The following KRT222 variants were observed in gnomAD, a reference collection of about 807,000 sequenced individuals.
KRT222 encodes keratin-like protein KRT222.
Under a neutral mutation model 35.0 loss-of-function variants are expected in KRT222, and 23 were observed. The ratio of observed to expected loss-of-function variants is 0.66; its 90% CI spans 0.47 to 0.93. KRT222 has a LOEUF of 0.93. Ranked by LOEUF, KRT222 falls within the 40% of genes least tolerant of loss-of-function variation. KRT222 has a pLI of 0.00. For missense variants in KRT222, 339 were observed against 346.3 expected (o/e 0.98, Z 0.17); for synonymous variants, 108 against 118.8 (o/e 0.91, Z 0.59).
chr17:40,660,331 A>G, intron 2 of KRT222, 124 bp from the exon 3 acceptor site: 2 of 733,332 alleles, frequency 2.7e-6, no homozygotes, highest in South Asian at 1.9e-5. Context: ...CCCAGAGTGT[A>G]GTGCAATGCC....
At position 40,658,518 on chromosome 17, in the gene KRT222, A is replaced by G. The variant is rs79091666; in HGVS notation, c.447-768T>C. ...GTATTGTTTTAAGCACTTTACAAACATTAACTCATTTAATCCTCACAGCAA... is the reference window on the plus strand; with the variant it reads ...GTATTGTTTTAAGCACTTTACAAACGTTAACTCATTTAATCCTCACAGCAA... On this transcript the variant is annotated intron_variant, in intron 3 of 5. Transcript: ENST00000394052. 4.0e-3 allele frequency among the ~76,000 whole-genome samples: 608 copies of G among 152,308 alleles called. 1 individual carries two copies. Among genetic ancestry groups the G allele is most frequent in the Middle Eastern group, 0.017 (5 of 294 alleles).
intron 3 of KRT222, among the ~76,000 whole-genome samples, chr17:40,659,596 A>G (rs917813871): frequency 2.6e-5 from 4 of 151,738 alleles, no homozygotes; most frequent in African/African-American, 9.7e-5. Context: ...GCGAATTTTA[A>G]AATTTTTTGT....
At chr17:40,660,407 G>A (rs145663411) in intron 2 of KRT222, among the ~76,000 whole-genome samples, 200 bp from the exon 3 acceptor site, 1,773 of 151,766 alleles carry the variant, frequency 0.012, 20 homozygotes, top group Middle Eastern at 0.051. Context: ...AGCCTCCCAA[G>A]TAGCTGGGAT....
chr17:40,657,349 TAC>T lies in KRT222; in HGVS notation c.659+1_659+2del. The T allele has an allele frequency of 1.3e-6, 2 of 1,541,768 alleles. No homozygotes were observed. The highest frequency in any genetic ancestry group is 1.7e-6 in the Non-Finnish European group (2 of 1,149,006). On this transcript the variant is annotated splice_donor_variant, in intron 5 of 5. Transcript: ENST00000394052. LOFTEE classifies it high-confidence loss of function. Reference sequence around the variant, plus strand: ...ATTTCTTAGTCAAAGTTTCTTTACTTACTGAATAGTGCCATGAGCTTCAGTGC... The same window carrying T: ...ATTTCTTAGTCAAAGTTTCTTTACTTTGAATAGTGCCATGAGCTTCAGTGC...
At chr17:40,660,351 G>T in intron 2 of KRT222, 144 bp from the exon 3 acceptor site, 1 of 639,224 alleles carries the variant, frequency 1.6e-6, no homozygotes, top group Non-Finnish European at 2.6e-6. Flanking sequence ...CATGATCTCG[G>T]TTCACTGGAA....
chr17:40,664,812 G>A (rs2037410124), intron 1 of KRT222, 192 bp downstream of exon 1: 2 of 912,402 alleles, frequency 2.2e-6, no homozygotes, highest in Non-Finnish European at 3.1e-6. Flanking sequence ...CTTACTTAAT[G>A]GCAATTTAAC....
chr17:40,662,620 T>G (rs1213998340), intron 1 of KRT222, among the ~76,000 whole-genome samples: 1 of 152,228 alleles, frequency 6.6e-6, no homozygotes, highest in Non-Finnish European at 1.5e-5. Flanking sequence ...ATTGACCTTT[T>G]TCAAGATGAT....
At chr17:40,660,851 TAAA>T (rs1237189510) in intron 2 of KRT222, among the ~76,000 whole-genome samples, 3 of 139,498 alleles carry the variant, frequency 2.2e-5, no homozygotes, top group Non-Finnish European at 1.6e-5. Context: ...GTAGGCTTTG[TAAA>T]AAAAAAAAAA....
At chr17:40,663,641 T>C (rs1460061697) in intron 1 of KRT222, among the ~76,000 whole-genome samples, 3 of 152,200 alleles carry the variant, frequency 2.0e-5, no homozygotes, top group East Asian at 1.9e-4. Flanking sequence ...GTAACTAAAA[T>C]AGCTTATTTA....
At chr17:40,657,886 C>CTTAT (rs2037356736) in intron 3 of KRT222, 136 bp from the exon 4 acceptor site, 3 of 596,372 alleles carry the variant, frequency 5.0e-6, no homozygotes, top group African/African-American at 1.8e-5. Context: ...TAAGGCTTCA[C>CTTAT]CGTATCTTTA....
Position 40,657,750 on chromosome 17 carries a change from T to C in KRT222, c.447A>G (p.Arg149=), listed in dbSNP as rs1471561146. ...TCCCACCTTGGATACAACCATAATA[T>C]CTGAAATCAGAAAGAATTTTATTTT... ...YRHLLEKEEI[R]YYGCIQGGKK... The change falls in exon 4 of 6, where the codon AGA becomes AGG. Residue 149 remains arginine (R), a splice_region_variant and synonymous_variant. Transcript: ENST00000394052. 2 of 1,604,162 alleles carry C rather than the reference T, an allele frequency of 1.2e-6. No individual in the cohort carries two copies. The highest frequency in any genetic ancestry group is 3.4e-5 in the Admixed American group (2 of 59,476).
chr17:40,657,330 T>C, intron 5 of KRT222, 22 bp downstream of exon 5: 1 of 1,472,808 alleles, frequency 6.8e-7, no homozygotes. Context: ...TATTATTTCT[T>C]AGTCAAAGTT....
intron 4 of KRT222, 43 bp downstream of exon 4, chr17:40,657,631 G>T: frequency 6.5e-7 from 1 of 1,541,818 alleles, no homozygotes; most frequent in Non-Finnish European, 8.9e-7. Context: ...CCTGTAAATA[G>T]TACATCACTT....
chr17:40,661,651 C>T (rs573766813), intron 2 of KRT222, among the ~76,000 whole-genome samples: 55 of 152,118 alleles, frequency 3.6e-4, no homozygotes, highest in Non-Finnish European at 6.6e-4. Flanking sequence ...GCTCTATTCC[C>T]TATCTTCAGC....
At chr17:40,664,886 C>T (rs1159233850) in intron 1 of KRT222, 118 bp downstream of exon 1, 1 of 1,539,292 alleles carries the variant, frequency 6.5e-7, no homozygotes, top group African/African-American at 1.4e-5. Flanking sequence ...AAATTCCTTC[C>T]CCAATAGATG....
intron 1 of KRT222, among the ~76,000 whole-genome samples, chr17:40,663,024 C>T (rs971755233): frequency 1.3e-5 from 2 of 152,036 alleles, no homozygotes; most frequent in African/African-American, 4.8e-5. Flanking sequence ...GAACAAAATT[C>T]GTACATTTCT....
chr17:40,664,503 G>GATTTCT (rs1357250471), intron 1 of KRT222, among the ~76,000 whole-genome samples: 2 of 152,134 alleles, frequency 1.3e-5, no homozygotes, highest in Non-Finnish European at 2.9e-5. Context: ...ACACTCAGAT[G>GATTTCT]ATTTCTATTT....
chr17:40,664,058 A>C (rs2037404109), intron 1 of KRT222, among the ~76,000 whole-genome samples: 1 of 152,142 alleles, frequency 6.6e-6, no homozygotes, highest in African/African-American at 2.4e-5. Flanking sequence ...TAATGGAATA[A>C]AGGCCTGACA....
intron 1 of KRT222, among the ~76,000 whole-genome samples, chr17:40,663,152 A>G (rs2037396414): frequency 6.6e-6 from 1 of 152,168 alleles, no homozygotes; most frequent in Non-Finnish European, 1.5e-5. Flanking sequence ...GAAAACAGAA[A>G]AATGCTGGTA....
Sources: allele counts gnomAD v4.1 joint callset (sites outside exome capture counted in the v4.1 genomes callset), GRCh38; gene constraint gnomAD v4.1.1; transcripts MANE v1.5; gene names NCBI Gene and HGNC (gene_info 2026-07-23, HGNC 2026-07-21).